Variants in XKR9 observed in about 807,000 individuals in gnomAD.
The protein encoded by XKR9 is XK related 9, also known as XK-related protein 9.
XKR9 carries 32 observed loss-of-function variants against 32.0 expected under a neutral mutation model. That is an observed-to-expected ratio of 1.00 (90% confidence interval 0.76 to 1.34). XKR9 has a LOEUF of 1.34. XKR9 is among the 40% of genes most tolerant of loss of function. XKR9 has a pLI of 0.00. For missense variants in XKR9, 546 were observed against 429.7 expected, an observed-to-expected ratio of 1.27 and a Z score of -2.39; for synonymous variants, 168 against 143.4, an observed-to-expected ratio of 1.17 and a Z score of -1.22.
the XKR9 span, among the ~76,000 whole-genome samples, chr8:70,918,149 T>G: frequency 6.6e-6 from 1 of 152,366 alleles, no homozygotes; most frequent in Non-Finnish European, 1.5e-5. Context: ...TGGGTATTTT[T>G]TCTTGTGGAT....
chr8:70,906,731 C>A, the XKR9 span, among the ~76,000 whole-genome samples: 2 of 152,138 alleles, frequency 1.3e-5, no homozygotes, highest in South Asian at 2.1e-4. Context: ...TTAAGAGATA[C>A]AGAGAGAATA....
At chr8:70,799,100 T>C in the XKR9 span, among the ~76,000 whole-genome samples, 2 of 152,330 alleles carry the variant, frequency 1.3e-5, no homozygotes, top group African/African-American at 4.8e-5. Flanking sequence ...TTATTGGTAG[T>C]TTGATAGGAA....
At chr8:70,810,719 C>G in the XKR9 span, among the ~76,000 whole-genome samples, 3 of 152,180 alleles carry the variant, frequency 2.0e-5, no homozygotes, top group Non-Finnish European at 4.4e-5. Context: ...GTAAAGGGAT[C>G]AATTCAACAA....
chr8:70,815,509 T>TTTATTTATTTA, the XKR9 span, among the ~76,000 whole-genome samples: 184 of 141,828 alleles, frequency 1.3e-3, 2 homozygotes, highest in South Asian at 9.1e-3. Flanking sequence ...CATTCCTTTA[T>TTTATTTATTTA]TTTATTTATT....
the XKR9 span, among the ~76,000 whole-genome samples, chr8:70,936,724 G>A: frequency 6.6e-6 from 1 of 151,934 alleles, no homozygotes; most frequent in Non-Finnish European, 1.5e-5. Context: ...ACCCGACTGA[G>A]GGACCAAATG....
the XKR9 span, among the ~76,000 whole-genome samples, chr8:70,886,879 CTTTAG>C: frequency 1.3e-5 from 2 of 152,196 alleles, no homozygotes; most frequent in Non-Finnish European, 1.5e-5. Flanking sequence ...AGCAGAAACT[CTTTAG>C]TTTAATTAGA....
At chr8:71,061,457 C>T in the XKR9 span, among the ~76,000 whole-genome samples, 2 of 152,198 alleles carry the variant, frequency 1.3e-5, no homozygotes, top group African/African-American at 4.8e-5. Context: ...TCTGTGCTCT[C>T]TTATTAATAA....
the XKR9 span, among the ~76,000 whole-genome samples, chr8:71,006,509 C>T: frequency 1.2e-4 from 18 of 152,228 alleles, no homozygotes; most frequent in African/African-American, 3.9e-4. Context: ...ATGGGGTGTC[C>T]ATGAGGAAAT....
intron 2 of XKR9, among the ~76,000 whole-genome samples, chr8:70,762,697 T>C (rs1807324614): frequency 6.6e-6 from 1 of 152,224 alleles, no homozygotes; most frequent in Non-Finnish European, 1.5e-5. Flanking sequence ...CAGCTGTTCA[T>C]GTCAACAAAT....
chr8:70,879,318 GA>G, the XKR9 span, among the ~76,000 whole-genome samples: 1 of 152,076 alleles, frequency 6.6e-6, no homozygotes, highest in Non-Finnish European at 1.5e-5. Flanking sequence ...GAGCAGAACT[GA>G]AAGAGATAGA....
the XKR9 span, among the ~76,000 whole-genome samples, chr8:71,022,963 A>G: frequency 2.0e-5 from 3 of 147,998 alleles, no homozygotes; most frequent in Admixed American, 6.7e-5. Context: ...AATGATATCT[A>G]TTTCTTTGGT....
the XKR9 span, among the ~76,000 whole-genome samples, chr8:70,824,397 T>C: frequency 6.6e-6 from 1 of 152,122 alleles, no homozygotes; most frequent in South Asian, 2.1e-4. Context: ...GTCTGTTCTT[T>C]ATTCATGATT....
At chr8:70,857,943 T>C in the XKR9 span, among the ~76,000 whole-genome samples, 2 of 152,064 alleles carry the variant, frequency 1.3e-5, no homozygotes, top group African/African-American at 4.8e-5. Context: ...TCTCAATAAA[T>C]TAGGTATTGA....
At chr8:70,818,349 T>A in the XKR9 span, among the ~76,000 whole-genome samples, 2 of 152,208 alleles carry the variant, frequency 1.3e-5, no homozygotes, top group Non-Finnish European at 2.9e-5. Flanking sequence ...TTTATTTTTT[T>A]ATTTATCTCC....
At chr8:70,975,796 G>A in the XKR9 span, among the ~76,000 whole-genome samples, 1 of 152,138 alleles carries the variant, frequency 6.6e-6, no homozygotes, top group East Asian at 1.9e-4. Flanking sequence ...TTGGTAGCTT[G>A]ATGGGGATGG....
At chr8:70,897,110 C>T in the XKR9 span, among the ~76,000 whole-genome samples, 1 of 152,072 alleles carries the variant, frequency 6.6e-6, no homozygotes, top group Admixed American at 6.6e-5. Flanking sequence ...ATTTTTAGCT[C>T]CTGCAGAAAA....
intron 2 of XKR9, among the ~76,000 whole-genome samples, chr8:70,778,561 T>C (rs1256421273): frequency 6.6e-6 from 1 of 152,200 alleles, no homozygotes; most frequent in Non-Finnish European, 1.5e-5. Flanking sequence ...TTCATGATAT[T>C]GATTCTTCCT....
the XKR9 span, among the ~76,000 whole-genome samples, chr8:71,011,816 C>T: frequency 1.6e-4 from 25 of 152,248 alleles, no homozygotes; most frequent in Admixed American, 3.9e-4. Flanking sequence ...TGAAAACATC[C>T]GGTATTAATT....
the XKR9 span, among the ~76,000 whole-genome samples, chr8:70,990,041 C>T: frequency 3.3e-5 from 5 of 152,102 alleles, no homozygotes; most frequent in East Asian, 3.9e-4. Flanking sequence ...TTCTTGATGT[C>T]GATCATCCTT....
Sources: gnomAD v4.1 joint callset for allele counts (sites outside exome capture counted in the v4.1 genomes callset) on GRCh38, gnomAD v4.1.1 for gene constraint, MANE v1.5 for transcripts, NCBI Gene and HGNC (gene_info 2026-07-23, HGNC 2026-07-21) for gene names.